The following TSHZ2 variants were observed in gnomAD, a reference collection of about 807,000 sequenced individuals.
TSHZ2 encodes the protein teashirt zinc finger homeobox 2.
In TSHZ2, 21 loss-of-function variants were observed where a neutral mutation model predicts 74.4. The observed-to-expected ratio is 0.28, with a 90% CI of 0.20 to 0.41. TSHZ2 has a LOEUF of 0.41. TSHZ2 is among the 10% of genes least tolerant of loss of function. The probability of loss-of-function intolerance (pLI) is 1.00; values close to 1 mark genes in which losing one functional copy is unlikely to be tolerated. For synonymous variants in TSHZ2, 540 were observed against 515.3 expected (o/e 1.05, Z -0.65); for missense variants, 1,244 against 1,293.5 (o/e 0.96, Z 0.59).
intron 1 of TSHZ2, among the ~76,000 whole-genome samples, chr20:53,175,181 G>A (rs974969144): frequency 2.0e-5 from 2 of 98,906 alleles, no homozygotes; most frequent in Admixed American, 3.1e-4. Context: ...TGCTCTTGTT[G>A]CCCAGGCTGA....
At chr20:53,264,898 A>T (rs903140719) in intron 2 of TSHZ2, among the ~76,000 whole-genome samples, 3 of 152,182 alleles carry the variant, frequency 2.0e-5, no homozygotes, top group Non-Finnish European at 4.4e-5. Context: ...ACCATGGCTT[A>T]CAGGGAACTC....
At chr20:53,437,215 G>A (rs955916022) in intron 2 of TSHZ2, among the ~76,000 whole-genome samples, 7 of 152,296 alleles carry the variant, frequency 4.6e-5, no homozygotes, top group East Asian at 1.9e-4. Flanking sequence ...GCTCACGCCT[G>A]TAATTCCAGC....
At position 52,988,168 on chromosome 20, in the gene TSHZ2, G is replaced by A. The variant is rs191168415; in HGVS notation, c.40+14835G>A. ...GATGAACATGACACTAACTGTCATC[G>A]CCTTAATGGTTACCATTTCTTGACC... On this transcript the variant is annotated intron_variant, in intron 1 of 2. Coordinates refer to ENST00000371497, the MANE Select transcript of TSHZ2 (RefSeq NM_173485.6). Among the ~76,000 whole-genome samples, 468 of 152,154 alleles carry A rather than the reference G, an allele frequency of 3.1e-3. 1 individual carries two copies. Among genetic ancestry groups the A allele is most frequent in the Non-Finnish European group, 4.8e-3 (326 of 68,012 alleles).
At chr20:53,349,370 G>A (rs1295263273) in intron 2 of TSHZ2, among the ~76,000 whole-genome samples, 1 of 152,208 alleles carries the variant, frequency 6.6e-6, no homozygotes, top group African/African-American at 2.4e-5. Flanking sequence ...ATTGTGTAGT[G>A]GCCAAGTGAG....
chr20:53,245,900 C>T (rs1023685414), intron 1 of TSHZ2, among the ~76,000 whole-genome samples: 4 of 152,108 alleles, frequency 2.6e-5, no homozygotes, highest in Non-Finnish European at 5.9e-5. Context: ...CTGGTTCCTG[C>T]GGTTCAGAGG....
At chr20:53,478,700 T>A (rs996634278) in intron 2 of TSHZ2, among the ~76,000 whole-genome samples, 9 of 151,406 alleles carry the variant, frequency 5.9e-5, no homozygotes, top group African/African-American at 2.2e-4. Context: ...AATTTAGTTA[T>A]CAGATTAAAA....
intron 1 of TSHZ2, among the ~76,000 whole-genome samples, chr20:53,072,268 A>T (rs1438447815): frequency 6.6e-6 from 1 of 152,166 alleles, no homozygotes; most frequent in African/African-American, 2.4e-5. Flanking sequence ...AAAGGGATGC[A>T]TCCCATGTTT....
At chr20:53,238,835 C>CT (rs1356475310) in intron 1 of TSHZ2, among the ~76,000 whole-genome samples, 1 of 80,822 alleles carries the variant, frequency 1.2e-5, no homozygotes, top group Non-Finnish European at 2.3e-5. Context: ...AATCTTATAT[C>CT]TAAAAAAAAA....
chr20:52,982,444 G>A (rs576461124), intron 1 of TSHZ2, among the ~76,000 whole-genome samples: 3 of 152,236 alleles, frequency 2.0e-5, no homozygotes, highest in East Asian at 3.9e-4. Context: ...TGCCTTTAGC[G>A]GCATCTCCAG....
At chr20:53,216,971 A>G (rs1403911756) in intron 1 of TSHZ2, among the ~76,000 whole-genome samples, 3 of 152,032 alleles carry the variant, frequency 2.0e-5, no homozygotes, top group Admixed American at 1.3e-4. Flanking sequence ...GCCCATCCCC[A>G]GTTTCCAAAG....
chr20:53,184,452 A>G (rs1302599081), intron 1 of TSHZ2, among the ~76,000 whole-genome samples: 1 of 152,202 alleles, frequency 6.6e-6, no homozygotes, highest in Admixed American at 6.5e-5. Context: ...TTTTAAAAAT[A>G]ATCTTTTTTA....
intron 1 of TSHZ2, among the ~76,000 whole-genome samples, chr20:53,101,016 C>T (rs770439652): frequency 1.3e-5 from 2 of 152,118 alleles, no homozygotes; most frequent in Non-Finnish European, 2.9e-5. Context: ...AAAATGAATT[C>T]TCTGTAGTCA....
At chr20:53,317,413 C>A in intron 2 of TSHZ2, among the ~76,000 whole-genome samples, 1 of 152,138 alleles carries the variant, frequency 6.6e-6, no homozygotes, top group Non-Finnish European at 1.5e-5. Flanking sequence ...TCTCTGCCAA[C>A]CACAGAAGCA....
At chr20:53,433,497 T>C (rs143186069) in intron 2 of TSHZ2, among the ~76,000 whole-genome samples, 2,085 of 152,080 alleles carry the variant, frequency 0.014, 28 homozygotes, top group Non-Finnish European at 0.022. Flanking sequence ...GCTATGTTCA[T>C]GCCACTGCAC....
intron 1 of TSHZ2, among the ~76,000 whole-genome samples, chr20:53,077,917 C>T (rs1425807067): frequency 6.6e-6 from 1 of 152,202 alleles, no homozygotes; most frequent in Non-Finnish European, 1.5e-5. Context: ...CTCTAATCTC[C>T]TCTGAGTACT....
chr20:53,203,226 A>T (rs530420687), intron 1 of TSHZ2, among the ~76,000 whole-genome samples: 71 of 136,940 alleles, frequency 5.2e-4, no homozygotes, highest in African/African-American at 1.9e-3. Context: ...ACGGAGTCTC[A>T]CTCTGTTGCC....
At chr20:53,007,119 G>T (rs1982672318) in intron 1 of TSHZ2, among the ~76,000 whole-genome samples, 1 of 152,150 alleles carries the variant, frequency 6.6e-6, no homozygotes, top group South Asian at 2.1e-4. Context: ...CCTAGCCTGG[G>T]GTGGCAAGAA....
At chr20:53,077,319 G>A (rs1169558072) in intron 1 of TSHZ2, among the ~76,000 whole-genome samples, 1 of 151,758 alleles carries the variant, frequency 6.6e-6, no homozygotes, top group Admixed American at 6.6e-5. Context: ...GCTGAGGCAG[G>A]AGAACCATTT....
intron 1 of TSHZ2, among the ~76,000 whole-genome samples, chr20:53,204,571 A>G (rs1989117356): frequency 6.6e-6 from 1 of 152,026 alleles, no homozygotes; most frequent in South Asian, 2.1e-4. Flanking sequence ...TTCTACTTCT[A>G]TTGGGCAGCG....
Sources: gnomAD v4.1 joint callset for allele counts (sites outside exome capture counted in the v4.1 genomes callset) on GRCh38, gnomAD v4.1.1 for gene constraint, MANE v1.5 for transcripts, NCBI Gene and HGNC (gene_info 2026-07-23, HGNC 2026-07-21) for gene names.